The following VPS54 variants were observed in gnomAD, a reference collection of about 807,000 sequenced individuals.
VPS54 encodes VPS54 subunit of GARP complex.
Under a neutral mutation model 121.5 loss-of-function variants are expected in VPS54, and 45 were observed. That is an observed-to-expected ratio of 0.37 (90% CI 0.29 to 0.47). The LOEUF is 0.47. VPS54 is among the 20% of genes least tolerant of loss of function. VPS54 has a pLI of 0.99. For synonymous variants in VPS54, 371 were observed against 385.8 expected, an observed-to-expected ratio of 0.96 and a Z score of 0.45; for missense variants, 1,090 against 1,131.4, an observed-to-expected ratio of 0.96 and a Z score of 0.52.
chr2:63,966,075 A>C (rs950247916), intron 5 of VPS54, 109 bp from the exon 6 acceptor site: 2 of 1,119,380 alleles, frequency 1.8e-6, no homozygotes, highest in Non-Finnish European at 2.5e-6. Context: ...TTGAGTATGA[A>C]TAGCAAAAGC....
chr2:63,978,793 T>A (rs145753326), intron 3 of VPS54, among the ~76,000 whole-genome samples: 273 of 152,202 alleles, frequency 1.8e-3, no homozygotes, highest in Non-Finnish European at 3.2e-3. Flanking sequence ...CTAATTTTTG[T>A]ATTTTTAGTA....
In VPS54 at chr2:63,949,795, T is replaced by C. The variant is rs1165016717; in HGVS notation, c.1011-632A>G. On this transcript the variant is annotated intron_variant, in intron 7 of 22. Transcript: ENST00000272322. ...TGCACTGTAATTTCTGACTTTACTT[T>C]TGCATTTCTCTAAAAATGTTTGTTT... Among the ~76,000 whole-genome samples, 3 of 152,168 alleles carry C rather than the reference T, an allele frequency of 2.0e-5. No individual in the cohort carries two copies. In the East Asian group the frequency reaches 5.8e-4, roughly 29 times the overall value.
At chr2:64,005,920 G>A (rs1392160164) in intron 1 of VPS54, among the ~76,000 whole-genome samples, 1 of 152,186 alleles carries the variant, frequency 6.6e-6, no homozygotes, top group African/African-American at 2.4e-5. Context: ...TAAATAGAAG[G>A]AAGTAGGATA....
chr2:63,988,693 C>G (rs991038174), intron 1 of VPS54, among the ~76,000 whole-genome samples: 1 of 152,142 alleles, frequency 6.6e-6, no homozygotes, highest in South Asian at 2.1e-4. Context: ...ATCCCATCAT[C>G]TTCGTAAAAT....
intron 12 of VPS54, among the ~76,000 whole-genome samples, chr2:63,932,592 A>C (rs1036029189): frequency 4.6e-5 from 7 of 151,982 alleles, no homozygotes; most frequent in Non-Finnish European, 8.8e-5. Flanking sequence ...CCACCATGGC[A>C]CATGTATACC....
chr2:63,959,692 G>A (rs1652188936), intron 7 of VPS54, among the ~76,000 whole-genome samples: 1 of 152,122 alleles, frequency 6.6e-6, no homozygotes, highest in Non-Finnish European at 1.5e-5. Flanking sequence ...TTCGAGACCA[G>A]CCTGGGTAAC....
chr2:63,936,781 A>C (rs904897540), intron 11 of VPS54, among the ~76,000 whole-genome samples: 1 of 152,200 alleles, frequency 6.6e-6, no homozygotes, highest in African/African-American at 2.4e-5. Context: ...TATGGTAATC[A>C]TAACAGTGTG....
intron 1 of VPS54, among the ~76,000 whole-genome samples, chr2:64,015,543 G>A (rs1678642238): frequency 6.6e-6 from 1 of 152,126 alleles, no homozygotes; most frequent in Non-Finnish European, 1.5e-5. Context: ...ATTTCTTGCA[G>A]AAGTATGTCC....
At chr2:63,993,404 A>C (rs1253528203) in intron 1 of VPS54, among the ~76,000 whole-genome samples, 1 of 152,184 alleles carries the variant, frequency 6.6e-6, no homozygotes, top group Non-Finnish European at 1.5e-5. Context: ...CCAGTTATCT[A>C]GAGTACAGCC....
chr2:63,938,052 TGTGTGTG>T (rs1160853430), intron 11 of VPS54, among the ~76,000 whole-genome samples: 161 of 89,006 alleles, frequency 1.8e-3, no homozygotes, highest in African/African-American at 6.1e-3. Context: ...GTGTGTGTGG[TGTGTGTG>T]GTGTGTGTGT....
At chr2:63,944,744 C>T (rs1345158027) in intron 9 of VPS54, 89 bp from the exon 10 acceptor site, 12 of 1,099,980 alleles carry the variant, frequency 1.1e-5, no homozygotes, top group South Asian at 4.3e-5. Flanking sequence ...ATTAAAAAGG[C>T]CCTTACTATA....
chr2:63,986,500 C>CA (rs1277980539), intron 1 of VPS54, among the ~76,000 whole-genome samples: 3 of 152,218 alleles, frequency 2.0e-5, no homozygotes, highest in African/African-American at 7.2e-5. Context: ...TTTCTTTACT[C>CA]ATTCGTCTGT....
chr2:63,986,938 T>C (rs1454105185), intron 1 of VPS54, among the ~76,000 whole-genome samples: 1 of 152,230 alleles, frequency 6.6e-6, no homozygotes, highest in African/African-American at 2.4e-5. Context: ...ATCTATAAGG[T>C]TGTTTGAGCT....
intron 1 of VPS54, among the ~76,000 whole-genome samples, chr2:64,008,754 G>A (rs1678287716): frequency 6.6e-6 from 1 of 152,068 alleles, no homozygotes; most frequent in African/African-American, 2.4e-5. Context: ...GTAAAAATAC[G>A]CTATCAATGA....
In VPS54 at chr2:63,892,177, A is replaced by AGAT. The variant is rs969180540; in HGVS notation, c.*1250_*1252dup. 6.6e-6 allele frequency: 1 copy of AGAT among 152,134 alleles called. No homozygotes were observed. Among genetic ancestry groups the AGAT allele is most frequent in the Non-Finnish European group, 1.5e-5 (1 of 68,018 alleles). The allele number at this position is 152,134 out of a possible 1,614,324, so 9.4% of individuals were successfully genotyped here. ...AATTTTTTACAGCTTTATTTTAGACAGATAGTTTAAGAACCAAAGACATAC... is the reference window on the plus strand; with the variant it reads ...AATTTTTTACAGCTTTATTTTAGACAGATGATAGTTTAAGAACCAAAGACATAC... On this transcript the variant is annotated 3_prime_UTR_variant, in exon 23 of 23. Coordinates refer to ENST00000272322, the MANE Select transcript of VPS54 (RefSeq NM_016516.3).
chr2:64,001,688 G>C (rs1421992989), intron 1 of VPS54, among the ~76,000 whole-genome samples: 1 of 151,934 alleles, frequency 6.6e-6, no homozygotes, highest in Non-Finnish European at 1.5e-5. Context: ...TAGAATGGGG[G>C]CCTGACCAGT....
chr2:63,949,813 G>C (rs1490615652), intron 7 of VPS54, among the ~76,000 whole-genome samples: 2 of 152,150 alleles, frequency 1.3e-5, no homozygotes, highest in Admixed American at 6.5e-5. Context: ...CTCTAAAAAT[G>C]TTTGTTTCTA....
At chr2:63,977,295 C>A (rs1256030184) in intron 3 of VPS54, among the ~76,000 whole-genome samples, 1 of 152,114 alleles carries the variant, frequency 6.6e-6, no homozygotes, top group African/African-American at 2.4e-5. Context: ...ATTAAATTTG[C>A]TCTTCTTTTG....
chr2:63,999,930 G>T (rs545346937), intron 1 of VPS54, among the ~76,000 whole-genome samples: 1 of 151,948 alleles, frequency 6.6e-6, no homozygotes, highest in African/African-American at 2.4e-5. Flanking sequence ...GCACGATCTC[G>T]TCTCACTGCA....
Sources: gnomAD v4.1 joint callset for allele counts (sites outside exome capture counted in the v4.1 genomes callset) on GRCh38, gnomAD v4.1.1 for gene constraint, MANE v1.5 for transcripts, NCBI Gene and HGNC (gene_info 2026-07-23, HGNC 2026-07-21) for gene names.